Variants in RIMS1 observed in about 807,000 individuals in gnomAD.
The protein encoded by RIMS1 is regulating synaptic membrane exocytosis protein 1.
Under a neutral mutation model 214.1 loss-of-function variants are expected in RIMS1, and 83 were observed. The observed-to-expected ratio is 0.39, with a 90% CI of 0.32 to 0.47. The LOEUF (loss-of-function observed/expected upper bound fraction) is 0.47, where lower values mean the gene tolerates loss of function less well. Among genes scored for constraint, RIMS1 ranks in the 20% least tolerant of loss-of-function variants. RIMS1 has a pLI of 0.99. For missense variants in RIMS1, 2,050 were observed against 2,161.8 expected (o/e 0.95, Z 1.03); for synonymous variants, 793 against 786.8 (o/e 1.01, Z -0.13).
rs774350816 is a variant in RIMS1 at position 72,183,145 on chromosome 6, G to A, written c.1674G>A (p.Glu558=). 1 of 1,591,320 alleles carries A rather than the reference G, an allele frequency of 6.3e-7. No individual in the cohort carries two copies. The highest frequency in any genetic ancestry group is 1.8e-5 in the Admixed American group (1 of 56,534). ...DVELESESVS[E]KGDLDYYWLD... ...AGCTGGAGAGCGAGAGCGTCAGCGA[G>A]AAAGGTAAGGGGGCGGCGCCGGCCG... The change falls in exon 6 of 34, where the codon GAG becomes GAA. Residue 558 remains glutamate (E), a synonymous_variant. Transcript: ENST00000521978.
chr6:72,137,284 T>C (rs2041441434), intron 4 of RIMS1, among the ~76,000 whole-genome samples: 1 of 152,126 alleles, frequency 6.6e-6, no homozygotes, highest in Non-Finnish European at 1.5e-5. Context: ...ATTTTCAAAC[T>C]GCTTTCCAAA....
intron 1 of RIMS1, among the ~76,000 whole-genome samples, chr6:71,916,975 TAAA>T (rs761513813): frequency 2.6e-5 from 4 of 152,168 alleles, no homozygotes; most frequent in Admixed American, 6.6e-5. Flanking sequence ...TTCTGGGAAG[TAAA>T]TGTAGTATTA....
chr6:72,058,574 T>C (rs1204315683), intron 2 of RIMS1, among the ~76,000 whole-genome samples: 1 of 152,194 alleles, frequency 6.6e-6, no homozygotes, highest in Non-Finnish European at 1.5e-5. Flanking sequence ...TAGAGGTTCA[T>C]GTAGAGGAGA....
intron 10 of RIMS1, among the ~76,000 whole-genome samples, chr6:72,244,173 T>G (rs1471605997): frequency 6.6e-6 from 1 of 151,724 alleles, no homozygotes; most frequent in Non-Finnish European, 1.5e-5. Context: ...CTAAGAGGCA[T>G]CAGCCATCTT....
intron 4 of RIMS1, among the ~76,000 whole-genome samples, chr6:72,104,716 G>A (rs1278718968): frequency 6.6e-6 from 1 of 152,118 alleles, no homozygotes; most frequent in African/African-American, 2.4e-5. Flanking sequence ...TAAAAATTTA[G>A]TAGAGTTTCT....
intron 33 of RIMS1, 75 bp downstream of exon 33, chr6:72,399,169 A>C: frequency 3.1e-6 from 4 of 1,273,312 alleles, no homozygotes; most frequent in Non-Finnish European, 4.2e-6. Flanking sequence ...GGTCAAACAC[A>C]AAGAGAATAA....
intron 2 of RIMS1, among the ~76,000 whole-genome samples, chr6:72,080,877 C>T (rs780254884): frequency 6.6e-6 from 1 of 152,140 alleles, no homozygotes; most frequent in Non-Finnish European, 1.5e-5. Flanking sequence ...TCAGTAGTAA[C>T]AAAACATTAC....
intron 16 of RIMS1, among the ~76,000 whole-genome samples, chr6:72,257,433 A>T (rs2076347564): frequency 6.6e-6 from 1 of 152,078 alleles, no homozygotes; most frequent in African/African-American, 2.4e-5. Flanking sequence ...GCTAATTAAA[A>T]TAATTATGGA....
intron 2 of RIMS1, among the ~76,000 whole-genome samples, chr6:72,035,059 C>T (rs974895235): frequency 1.3e-5 from 2 of 152,116 alleles, no homozygotes; most frequent in Admixed American, 1.3e-4. Context: ...ATCCTTGCTG[C>T]ACCACCAGCT....
chr6:72,108,948 G>A (rs1240503008), intron 4 of RIMS1, among the ~76,000 whole-genome samples: 1 of 147,422 alleles, frequency 6.8e-6, no homozygotes, highest in African/African-American at 2.5e-5. Flanking sequence ...AGAAAATGCA[G>A]TGTCTGGTTT....
At chr6:72,388,439 G>A (rs1201336129) in intron 29 of RIMS1, among the ~76,000 whole-genome samples, 5 of 152,186 alleles carry the variant, frequency 3.3e-5, no homozygotes, top group South Asian at 2.1e-4. Context: ...CCTGGGCCAC[G>A]ATAACAATTT....
In RIMS1 at chr6:72,182,405, G is replaced by A. The variant is rs1388046078; in HGVS notation, c.934G>A (p.Glu312Lys). 6.2e-7 allele frequency: 1 copy of A among 1,613,930 alleles called. No homozygotes were observed. The highest frequency in any genetic ancestry group is 1.7e-5 in the Admixed American group (1 of 60,036). ...GGCCGTCGAAGAACGGGAGCGCAAA[G>A]AAAGGCGGGAAAGCCGAAGGCTTGA... ...EGAVEERERKERRESRRLEKG... is the reference protein window; with the variant it reads ...EGAVEERERKKRRESRRLEKG... The change falls in exon 6 of 34, where the codon GAA becomes AAA. Residue 312 changes from glutamate to lysine, a missense_variant. Glu to Lys is a moderately conservative substitution (Grantham distance 56, BLOSUM62 1). Transcript: ENST00000521978.
intron 29 of RIMS1, among the ~76,000 whole-genome samples, chr6:72,370,330 T>C (rs550229506): frequency 1.3e-5 from 2 of 152,334 alleles, no homozygotes; most frequent in South Asian, 4.1e-4. Flanking sequence ...TAATAATGAA[T>C]TAGAGGTACA....
At chr6:72,106,526 AT>A (rs2034775269) in intron 4 of RIMS1, among the ~76,000 whole-genome samples, 1 of 152,224 alleles carries the variant, frequency 6.6e-6, no homozygotes, top group Admixed American at 6.5e-5. Flanking sequence ...TAAACCAGGA[AT>A]GACAATCACA....
intron 6 of RIMS1, chr6:72,213,281 A>G (rs1300917191): frequency 7.3e-7 from 1 of 1,361,908 alleles, no homozygotes; most frequent in Non-Finnish European, 9.9e-7. Flanking sequence ...CTAAATCTAT[A>G]TTTAACACTC....
rs529576676 is a variant in RIMS1, at chr6:72,331,343, T to G, written c.4131-2257T>G. On this transcript the variant is annotated intron_variant, in intron 28 of 33. Coordinates refer to ENST00000521978, the MANE Select transcript of RIMS1 (RefSeq NM_014989.7). ...CATGTTAATTAATTCATACTTTCCT[T>G]TAAAGGTTAGAAAATCATCAGAAGA... 2.0e-5 allele frequency among the ~76,000 whole-genome samples: 3 copies of G among 151,910 alleles called. No individual in the cohort carries two copies. The South Asian group carries it at 6.2e-4, about 31-fold the overall frequency.
intron 2 of RIMS1, among the ~76,000 whole-genome samples, chr6:72,067,041 G>T (rs1187036479): frequency 6.6e-6 from 1 of 152,048 alleles, no homozygotes; most frequent in African/African-American, 2.4e-5. Context: ...GATATGAATT[G>T]CTTAGGTGAA....
At chr6:72,294,647 A>AT (rs1392832613) in intron 26 of RIMS1, among the ~76,000 whole-genome samples, 4 of 151,536 alleles carry the variant, frequency 2.6e-5, no homozygotes, top group African/African-American at 7.2e-5. Context: ...CACTGGAAGT[A>AT]TTTTTTTTCT....
At chr6:72,100,120 C>A in intron 4 of RIMS1, 134 bp downstream of exon 4, 1 of 720,034 alleles carries the variant, frequency 1.4e-6, no homozygotes, top group Non-Finnish European at 2.3e-6. Flanking sequence ...TCATTTCCAG[C>A]TCTCATGAAA....
Sources: allele counts gnomAD v4.1 joint callset (sites outside exome capture counted in the v4.1 genomes callset), GRCh38; gene constraint gnomAD v4.1.1; transcripts MANE v1.5; gene names NCBI Gene and HGNC (gene_info 2026-07-23, HGNC 2026-07-21).